TET1: variants seen among roughly 807,000 people sequenced by gnomAD.
TET1 encodes tet methylcytosine dioxygenase 1.
In TET1, 13 loss-of-function variants were observed where a neutral mutation model predicts 148.7. That is an observed-to-expected ratio of 0.09 (90% CI 0.06 to 0.14). The LOEUF (loss-of-function observed/expected upper bound fraction) is 0.14, where lower values mean the gene tolerates loss of function less well. Ranked by LOEUF, TET1 falls within the 10% of genes least tolerant of loss-of-function variation. The probability of loss-of-function intolerance (pLI) is 1.00; values close to 1 mark genes in which losing one functional copy is unlikely to be tolerated. For synonymous variants in TET1, 907 were observed against 937.2 expected (o/e 0.97, Z 0.59); for missense variants, 2,182 against 2,553.8 (o/e 0.85, Z 3.14).
intron 3 of TET1, among the ~76,000 whole-genome samples, chr10:68,625,217 C>T (rs1464725225): frequency 6.6e-6 from 1 of 152,212 alleles, no homozygotes; most frequent in Non-Finnish European, 1.5e-5. Context: ...TTGCCCGCTC[C>T]TGGCAAGGGT....
At chr10:68,595,919 C>CAT (rs374124558) in intron 2 of TET1, among the ~76,000 whole-genome samples, 735 of 33,892 alleles carry the variant, frequency 0.022, 3 homozygotes, top group Non-Finnish European at 0.026. Context: ...CCAGCCAAAA[C>CAT]ATATATATAT....
chr10:68,569,954 A>AT (rs1281791620), intron 1 of TET1, among the ~76,000 whole-genome samples: 19 of 151,908 alleles, frequency 1.3e-4, no homozygotes, highest in African/African-American at 4.6e-4. Context: ...ATACTTTAGT[A>AT]TTTTTTCTTT....
At position 68,646,675 on chromosome 10, in the gene TET1, G is replaced by C; in HGVS notation, c.3946G>C (p.Asp1316His). ...PNQCANVMAG[D>H]DQIRFQQVVK... Reference sequence around the variant, plus strand: ...CCAGTGTGCTAACGTGATGGCAGGCGATGACCAAATACGGTTTCAGCAGGT... The same window carrying C: ...CCAGTGTGCTAACGTGATGGCAGGCCATGACCAAATACGGTTTCAGCAGGT... The change falls in exon 4 of 12, where the codon GAT (aspartate) becomes CAT (histidine). Residue 1316 changes from aspartate to histidine, a missense_variant. By Grantham distance (81) the Asp-to-His change is moderately conservative. Coordinates refer to ENST00000373644, the MANE Select transcript of TET1 (RefSeq NM_030625.3). 1 of 1,614,124 alleles carries C rather than the reference G, an allele frequency of 6.2e-7. No individual in the cohort carries two copies. Among genetic ancestry groups the C allele is most frequent in the Non-Finnish European group, 8.5e-7 (1 of 1,180,022 alleles).
At chr10:68,675,812 T>C (rs1825273098) in intron 8 of TET1, among the ~76,000 whole-genome samples, 1 of 152,134 alleles carries the variant, frequency 6.6e-6, no homozygotes, top group African/African-American at 2.4e-5. Flanking sequence ...TCCCTACTCC[T>C]TGCCAGGTGC....
In TET1 at chr10:68,573,076, C is replaced by T; in HGVS notation, c.738C>T (p.Asp246=). The change falls in exon 2 of 12, where the codon GAC becomes GAT. Residue 246 remains aspartate (D), a synonymous_variant. Transcript: ENST00000373644. ...GTTCCCCAAAAATGTTTGCTCAGGACACAGTGTGTGCTCCTTTTCCCCAAA... is the reference window on the plus strand; with the variant it reads ...GTTCCCCAAAAATGTTTGCTCAGGATACAGTGTGTGCTCCTTTTCCCCAAA... ...TSGSPKMFAQ[D]TVCAPFPQRA... is the part of the protein sequence containing the mutation. The T allele has an allele frequency of 1.2e-6, 2 of 1,614,164 alleles. No individual in the cohort carries two copies. Among genetic ancestry groups the T allele is most frequent in the Non-Finnish European group, 1.7e-6 (2 of 1,180,026 alleles).
At chr10:68,562,220 A>T (rs2053562617) in intron 1 of TET1, among the ~76,000 whole-genome samples, 1 of 152,120 alleles carries the variant, frequency 6.6e-6, no homozygotes, top group South Asian at 2.1e-4. Context: ...CCCCCAATAT[A>T]AAGTAAAATA....
chr10:68,589,662 ATT>A (rs57278279), intron 2 of TET1, among the ~76,000 whole-genome samples: 5,652 of 109,602 alleles, frequency 0.052, 208 homozygotes, highest in African/African-American at 0.17. Flanking sequence ...AATATCTCCA[ATT>A]TTTTTTTTTT....
At chr10:68,663,208 C>T (rs766953363) in intron 6 of TET1, among the ~76,000 whole-genome samples, 4 of 152,154 alleles carry the variant, frequency 2.6e-5, no homozygotes, top group Non-Finnish European at 2.9e-5. Context: ...CTTAGAAGCA[C>T]GCTAAATTTG....
intron 2 of TET1, among the ~76,000 whole-genome samples, chr10:68,599,384 G>A (rs1001642313): frequency 7.9e-5 from 12 of 152,234 alleles, no homozygotes; most frequent in African/African-American, 2.7e-4. Flanking sequence ...CCTCTACACT[G>A]CATTTTGGCA....
chr10:68,632,965 C>G (rs1451583746), intron 3 of TET1, among the ~76,000 whole-genome samples: 2 of 151,968 alleles, frequency 1.3e-5, no homozygotes, highest in East Asian at 3.9e-4. Flanking sequence ...GGACAGATCA[C>G]CTGAGGTCAG....
intron 2 of TET1, among the ~76,000 whole-genome samples, chr10:68,592,220 G>A (rs149784949): frequency 0.024 from 3,574 of 152,028 alleles, 71 homozygotes; most frequent in Non-Finnish European, 0.035. Flanking sequence ...GGAGGCTGAG[G>A]CATGAGAATT....
At chr10:68,581,113 C>T (rs2053792531) in intron 2 of TET1, among the ~76,000 whole-genome samples, 3 of 152,114 alleles carry the variant, frequency 2.0e-5, no homozygotes. Flanking sequence ...GTGAAAACAA[C>T]CTTAGACTTT....
At chr10:68,657,443 G>A (rs1229488040) in intron 6 of TET1, among the ~76,000 whole-genome samples, 3 of 152,054 alleles carry the variant, frequency 2.0e-5, no homozygotes, top group East Asian at 1.9e-4. Flanking sequence ...CCCAAAGTGC[G>A]GGGATTACAG....
chr10:68,674,381 T>A, intron 8 of TET1: 1 of 253,882 alleles, frequency 3.9e-6, no homozygotes, highest in Non-Finnish European at 7.7e-6. Context: ...AGAAAGTGCT[T>A]GATCCATTTT....
In TET1 at chr10:68,690,846, G is replaced by A. The variant is rs774876884; in HGVS notation, c.5443G>A (p.Glu1815Lys). 8 of 1,612,538 alleles carry A rather than the reference G, an allele frequency of 5.0e-6. No homozygotes were observed. The highest frequency in any genetic ancestry group is 6.8e-6 in the Non-Finnish European group (8 of 1,178,826). The part of the protein sequence containing the change: ...TETVQPEVKS[E>K]TEPHFILKSS... The stretch of plus-strand genomic sequence containing the variant: ...GACCGTGCAACCTGAAGTAAAAAGT[G>A]AAACCGAACCCCATTTTATCTTAAA... Residue 1815 changes from glutamate to lysine, a missense_variant, in exon 12 of 12, where the codon GAA (glutamate) becomes AAA (lysine). Glu to Lys is a moderately conservative substitution (Grantham distance 56). Transcript: ENST00000373644.
rs192356799 is a variant in TET1 at position 68,567,999 on chromosome 10, C to T, written c.-122-4218C>T. Among the ~76,000 whole-genome samples the T allele has an allele frequency of 4.7e-3, 722 of 152,178 alleles. 31 individuals carry two copies. Among genetic ancestry groups the T allele is most frequent in the Admixed American group, 0.042 (637 of 15,272 alleles). ...GTTCAAGTGATTCTCCTGCCTCAGC[C>T]TCCTGAGTAGGTGGGATTACAGGCA... On this transcript the variant is annotated intron_variant, in intron 1 of 11. Transcript: ENST00000373644.
At chr10:68,569,157 G>A (rs1288371008) in intron 1 of TET1, among the ~76,000 whole-genome samples, 1 of 146,700 alleles carries the variant, frequency 6.8e-6, no homozygotes, top group Non-Finnish European at 1.5e-5. Flanking sequence ...TCTCCAGGCA[G>A]GAGAGTTTCT....
At chr10:68,577,496 AAAACAAAC>A (rs74727125) in intron 2 of TET1, among the ~76,000 whole-genome samples, 1 of 151,726 alleles carries the variant, frequency 6.6e-6, no homozygotes, top group Non-Finnish European at 1.5e-5. Context: ...CAAAAAACAA[AAAACAAAC>A]AAACAAACAA....
intron 2 of TET1, among the ~76,000 whole-genome samples, chr10:68,591,027 G>C (rs2053913099): frequency 6.6e-6 from 1 of 151,810 alleles, no homozygotes; most frequent in Non-Finnish European, 1.5e-5. Context: ...AGCTAATTTT[G>C]TATTTTTAGT....
Sources: allele counts gnomAD v4.1 joint callset (sites outside exome capture counted in the v4.1 genomes callset), GRCh38; gene constraint gnomAD v4.1.1; transcripts MANE v1.5; gene names NCBI Gene and HGNC (gene_info 2026-07-23, HGNC 2026-07-21).